The following MAPK6 variants were observed in gnomAD, a reference collection of about 807,000 sequenced individuals.
The protein encoded by MAPK6 is ERK-3.
MAPK6 carries 19 observed loss-of-function variants against 59.3 expected under a neutral mutation model. That is an observed-to-expected ratio of 0.32 (90% CI 0.22 to 0.47). The LOEUF (loss-of-function observed/expected upper bound fraction) is 0.47, where lower values mean the gene tolerates loss of function less well. MAPK6 is among the 20% of genes least tolerant of loss of function. The pLI is 1.00. For synonymous variants in MAPK6, 316 were observed against 290.3 expected, an observed-to-expected ratio of 1.09 and a Z score of -0.90; for missense variants, 724 against 847.9, an observed-to-expected ratio of 0.85 and a Z score of 1.81.
Position 52,061,313 on chromosome 15 carries a change from G to T in MAPK6, c.880G>T (p.Glu294Ter). ...TTCCTCTGCAGCACTGGATTTCCTG[G>T]AACAAATTTTGACATTTAGCCCCAT... Reference protein sequence around the residue: ...GISREALDFLEQILTFSPMDR... With the variant: ...GISREALDFL The change falls in exon 5 of 6, where the codon GAA becomes TAA. Residue 294 changes from glutamate (E) to a stop codon, truncating the protein, a stop_gained. Coordinates refer to ENST00000261845, the MANE Select transcript of MAPK6 (RefSeq NM_002748.4). LOFTEE classifies it high-confidence loss of function. The T allele has an allele frequency of 6.2e-7, 1 of 1,613,936 alleles. No homozygotes were observed. The highest frequency in any genetic ancestry group is 8.5e-7 in the Non-Finnish European group (1 of 1,179,906).
intron 1 of MAPK6, among the ~76,000 whole-genome samples, chr15:51,981,890 A>G (rs1312123011): frequency 6.6e-6 from 1 of 152,174 alleles, no homozygotes; most frequent in Non-Finnish European, 1.5e-5. Flanking sequence ...TGAGAAGTAT[A>G]AGGAAGGAAA....
intron 3 of MAPK6, among the ~76,000 whole-genome samples, chr15:52,005,322 C>T (rs530477152): frequency 6.6e-5 from 10 of 151,988 alleles, no homozygotes; most frequent in African/African-American, 9.7e-5. Context: ...GTCAGGAGTT[C>T]AAGACTATCC....
chr15:52,038,540 T>C (rs979144299), intron 1 of MAPK6, among the ~76,000 whole-genome samples: 5 of 152,228 alleles, frequency 3.3e-5, no homozygotes, highest in Non-Finnish European at 7.3e-5. Flanking sequence ...TACGTTGAAC[T>C]TGTGGCATGA....
intron 2 of MAPK6, among the ~76,000 whole-genome samples, chr15:52,000,663 G>A (rs984234749): frequency 1.3e-5 from 2 of 151,968 alleles, no homozygotes; most frequent in African/African-American, 4.8e-5. Context: ...AAAATTAGCC[G>A]GGCATGGTGC....
At chr15:52,031,833 TAAATA>T (rs1318937292) in intron 1 of MAPK6, among the ~76,000 whole-genome samples, 5 of 152,166 alleles carry the variant, frequency 3.3e-5, no homozygotes, top group African/African-American at 1.2e-4. Context: ...TGTCTCAAGA[TAAATA>T]AAATAAAAAT....
At chr15:52,008,712 T>C (rs553262766) in intron 3 of MAPK6, among the ~76,000 whole-genome samples, 4 of 152,186 alleles carry the variant, frequency 2.6e-5, no homozygotes, top group African/African-American at 9.7e-5. Context: ...CGCAGGGCCC[T>C]GTGTAATGCC....
intron 1 of MAPK6, among the ~76,000 whole-genome samples, chr15:51,975,787 G>A (rs912537315): frequency 2.0e-5 from 3 of 151,710 alleles, no homozygotes; most frequent in Non-Finnish European, 2.9e-5. Context: ...ATTAAAGAGA[G>A]CAAGAGAGGA....
intron 2 of MAPK6, among the ~76,000 whole-genome samples, chr15:52,003,069 C>A (rs1050465395): frequency 6.6e-6 from 1 of 152,004 alleles, no homozygotes; most frequent in Non-Finnish European, 1.5e-5. Flanking sequence ...TGCCTGTAAT[C>A]CCAGCTACTC....
chr15:51,972,115 A>G (rs142012745), intron 1 of MAPK6, among the ~76,000 whole-genome samples: 1,678 of 151,610 alleles, frequency 0.011, 42 homozygotes, highest in Non-Finnish European at 9.5e-3. Context: ...GCTGTTCTCC[A>G]GTTATTTCAT....
At chr15:52,048,488 A>C (rs1183239446) in intron 2 of MAPK6, among the ~76,000 whole-genome samples, 1 of 151,816 alleles carries the variant, frequency 6.6e-6, no homozygotes, top group African/African-American at 2.4e-5. Context: ...CTGGTGGTGC[A>C]TGTCTGTAAT....
intron 3 of MAPK6, among the ~76,000 whole-genome samples, chr15:52,054,462 C>T (rs1393969833): frequency 6.6e-6 from 1 of 152,126 alleles, no homozygotes; most frequent in Non-Finnish European, 1.5e-5. Flanking sequence ...AAGATTCTTT[C>T]CCCACTGAAT....
Position 52,046,284 on chromosome 15 carries a change from A to G in MAPK6, c.-177A>G. The G allele has an allele frequency of 1.8e-6, 1 of 562,720 alleles. No homozygotes were observed. The highest frequency in any genetic ancestry group is 2.4e-5 in the South Asian group (1 of 41,928). The allele number at this position is 562,720 out of a possible 1,614,324, so 34.9% of individuals were successfully genotyped here. ...TAGAGCTTTTTGAGCTTTAAATCTA[A>G]GGGGAACTCGACAGGCCTGTTTGGC... On this transcript the variant is annotated 5_prime_UTR_variant, in exon 2 of 6. Coordinates refer to ENST00000261845, the MANE Select transcript of MAPK6 (RefSeq NM_002748.4).
At chr15:52,060,955 T>TA (rs1435551264) in intron 4 of MAPK6, among the ~76,000 whole-genome samples, 1 of 152,222 alleles carries the variant, frequency 6.6e-6, no homozygotes, top group Admixed American at 6.5e-5. Context: ...ACTACAGTGC[T>TA]AGTAATTGAG....
At chr15:51,980,470 G>A (rs1168423913) in intron 1 of MAPK6, among the ~76,000 whole-genome samples, 1 of 147,946 alleles carries the variant, frequency 6.8e-6, no homozygotes, top group Non-Finnish European at 1.5e-5. Flanking sequence ...CATATCCTTT[G>A]TTGAACTACA....
chr15:51,981,951 A>C (rs149529292), intron 1 of MAPK6, among the ~76,000 whole-genome samples: 443 of 152,330 alleles, frequency 2.9e-3, no homozygotes, highest in African/African-American at 0.01. Flanking sequence ...GGAGTGACAG[A>C]AGGGGATGGA....
At chr15:51,994,979 A>G (rs1006063539) in intron 2 of MAPK6, among the ~76,000 whole-genome samples, 7 of 152,242 alleles carry the variant, frequency 4.6e-5, no homozygotes, top group Admixed American at 4.6e-4. Context: ...GCTGATTGTG[A>G]TGATTGTGCT....
chr15:51,975,778 T>A (rs1179032135), intron 1 of MAPK6, among the ~76,000 whole-genome samples: 1 of 151,682 alleles, frequency 6.6e-6, no homozygotes, highest in Non-Finnish European at 1.5e-5. Flanking sequence ...CTGATCTGAA[T>A]TAAAGAGAGC....
intron 1 of MAPK6, among the ~76,000 whole-genome samples, chr15:51,979,664 G>A (rs1405413282): frequency 6.6e-6 from 1 of 151,646 alleles, no homozygotes; most frequent in East Asian, 1.9e-4. Context: ...GTGGTGACAT[G>A]TGCCTGTAGT....
chr15:51,975,965 T>C (rs1312126447), intron 1 of MAPK6, among the ~76,000 whole-genome samples: 1 of 151,728 alleles, frequency 6.6e-6, no homozygotes, highest in Admixed American at 6.6e-5. Flanking sequence ...ACATATTTCT[T>C]CATATAAAAG....
Sources: gnomAD v4.1 joint callset for allele counts (sites outside exome capture counted in the v4.1 genomes callset) on GRCh38, gnomAD v4.1.1 for gene constraint, MANE v1.5 for transcripts, NCBI Gene and HGNC (gene_info 2026-07-23, HGNC 2026-07-21) for gene names.